The following GNG7 variants were observed in gnomAD, a reference collection of about 807,000 sequenced individuals.
The protein encoded by GNG7 is guanine nucleotide-binding protein G(I)/G(S)/G(O) subunit gamma-7.
GNG7 carries 1 observed loss-of-function variant against 4.0 expected under a neutral mutation model. The ratio of observed to expected loss-of-function variants is 0.25; its 90% CI spans 0.09 to 1.18. GNG7 has a LOEUF of 1.18. GNG7 is among the 50% of genes most tolerant of loss of function. The pLI is 0.50. For synonymous variants in GNG7, 34 were observed against 36.9 expected, an observed-to-expected ratio of 0.92 and a Z score of 0.29; for missense variants, 86 against 91.9, an observed-to-expected ratio of 0.94 and a Z score of 0.26.
intron 3 of GNG7, among the ~76,000 whole-genome samples, chr19:2,528,016 C>T (rs1201199443): frequency 6.6e-6 from 1 of 152,036 alleles, no homozygotes; most frequent in African/African-American, 2.4e-5. Context: ...GCCTGTAATC[C>T]CAGAACTTTG....
At chr19:2,566,416 C>T (rs1160770403) in intron 2 of GNG7, among the ~76,000 whole-genome samples, 1 of 152,114 alleles carries the variant, frequency 6.6e-6, no homozygotes, top group African/African-American at 2.4e-5. Context: ...TTCCGGTCTC[C>T]AGAGCGGAGA....
chr19:2,602,900 T>TCTTTCTTTCTTTC (rs778961079), intron 2 of GNG7, among the ~76,000 whole-genome samples: 1 of 44,816 alleles, frequency 2.2e-5, no homozygotes, highest in Non-Finnish European at 5.3e-5. Context: ...TTTCTCTTTT[T>TCTTTCTTTCTTTC]CTTTCTTTCT....
At position 2,588,812 on chromosome 19, in the gene GNG7, TG is replaced by T. The variant is rs552534618; in HGVS notation, c.-77-33625del. Among the ~76,000 whole-genome samples, 20 of 152,260 alleles carry T rather than the reference TG, an allele frequency of 1.3e-4. No individual in the cohort carries two copies. The South Asian group carries it at 4.1e-3, about 32-fold the overall frequency. ...CAGGTGGTCATCTTTCTGGGGAAACTGGCTTCTTTTCCTCCCCGACTCCCTT... is the reference window on the plus strand; with the variant it reads ...CAGGTGGTCATCTTTCTGGGGAAACTGCTTCTTTTCCTCCCCGACTCCCTT... On this transcript the variant is annotated intron_variant, in intron 2 of 4. Coordinates refer to ENST00000382159, the MANE Select transcript of GNG7 (RefSeq NM_052847.3).
At chr19:2,551,557 A>ATG (rs1979320065) in intron 3 of GNG7, among the ~76,000 whole-genome samples, 1 of 147,106 alleles carries the variant, frequency 6.8e-6, no homozygotes, top group African/African-American at 2.4e-5. Context: ...TTATTAATAT[A>ATG]TATTTATCTA....
In GNG7 at chr19:2,633,470, G is replaced by GGCGC. The variant is rs71337161; in HGVS notation, c.-78+12750_-78+12753dup. Among the ~76,000 whole-genome samples, 294 of 132,386 alleles carry GGCGC rather than the reference G, an allele frequency of 2.2e-3. 1 individual carries two copies. The highest frequency in any genetic ancestry group is 8.3e-3 in the African/African-American group (253 of 30,494). 86.9% of individuals were successfully genotyped at this position (132,386 alleles called of 152,430 possible). On this transcript the variant is annotated intron_variant, in intron 2 of 4. Coordinates refer to ENST00000382159, the MANE Select transcript of GNG7 (RefSeq NM_052847.3). This position sits in a 1 kb window ranked among gnomAD's most constrained non-coding sequence, Gnocchi z 5.9. ...CTGTTCAAGCGGTTGCTTAGCAACA[G>GGCGC]GCGCGCGCGCGCGCGCGCACACACA...
chr19:2,622,729 G>A (rs1320445108), intron 2 of GNG7, among the ~76,000 whole-genome samples: 3 of 146,764 alleles, frequency 2.0e-5, no homozygotes, highest in Non-Finnish European at 3.0e-5. Context: ...GCGGCAGAGA[G>A]GGAGGCTTCC....
intron 1 of GNG7, among the ~76,000 whole-genome samples, chr19:2,694,217 T>C (rs1913193124): frequency 6.6e-6 from 1 of 151,104 alleles, no homozygotes; most frequent in Non-Finnish European, 1.5e-5. Context: ...TTTGGGGAGA[T>C]TTTTTTGTTG....
intron 1 of GNG7, among the ~76,000 whole-genome samples, chr19:2,695,399 C>T (rs546199120): frequency 1.6e-4 from 25 of 152,264 alleles, no homozygotes; most frequent in Non-Finnish European, 3.7e-4. Flanking sequence ...CCCAGACTGC[C>T]ATCTCCACGG....
chr19:2,546,860 G>A lies in GNG7; in HGVS notation c.-38+8289C>T, dbSNP rs1024861950. On this transcript the variant is annotated intron_variant, in intron 3 of 4. Coordinates refer to ENST00000382159, the MANE Select transcript of GNG7 (RefSeq NM_052847.3). This position sits in a 1 kb window ranked among gnomAD's most constrained non-coding sequence, Gnocchi z 6.3. ...GTTTGCAAGCCCGGGAACCGGGGCC[G>A]GGCCAGGACACTGAACCCCGTGGCT... Among the ~76,000 whole-genome samples the A allele has an allele frequency of 1.3e-5, 2 of 152,186 alleles. No individual in the cohort carries two copies. Among genetic ancestry groups the A allele is most frequent in the African/African-American group, 2.4e-5 (1 of 41,450 alleles).
Position 2,626,344 on chromosome 19 carries a change from C to G in GNG7, c.-78+19880G>C, listed in dbSNP as rs1320815200. Among the ~76,000 whole-genome samples the G allele has an allele frequency of 6.6e-6, 1 of 152,192 alleles. No homozygotes were observed. The highest frequency in any genetic ancestry group is 1.5e-5 in the Non-Finnish European group (1 of 68,032). ...GAGGCTGGGGCATCTCTCACCCCCT[C>G]TGTGCCTCAGTTTCCTAATCTGTCA... On this transcript the variant is annotated intron_variant, in intron 2 of 4. Coordinates refer to ENST00000382159, the MANE Select transcript of GNG7 (RefSeq NM_052847.3). The surrounding 1 kb of genome is among the most constrained non-coding windows in gnomAD (Gnocchi z 5.0).
At chr19:2,697,674 GC>G (rs1300896393) in intron 1 of GNG7, among the ~76,000 whole-genome samples, 5 of 152,220 alleles carry the variant, frequency 3.3e-5, no homozygotes, top group African/African-American at 7.2e-5. Flanking sequence ...GGACACAGCG[GC>G]CGGGCGCGGT....
intron 1 of GNG7, among the ~76,000 whole-genome samples, chr19:2,660,610 C>A (rs540098515): frequency 1.3e-5 from 2 of 151,892 alleles, no homozygotes; most frequent in African/African-American, 2.4e-5. Context: ...ACCACCAACA[C>A]CCCACCACCA....
chr19:2,583,720 C>T (rs1321702399), intron 2 of GNG7, among the ~76,000 whole-genome samples: 1 of 152,066 alleles, frequency 6.6e-6, no homozygotes, highest in Non-Finnish European at 1.5e-5. Flanking sequence ...TCCCTTGAGC[C>T]CAAGAGTCCC....
chr19:2,666,727 T>A (rs1249731078), intron 1 of GNG7, among the ~76,000 whole-genome samples: 2 of 152,246 alleles, frequency 1.3e-5, no homozygotes, highest in Non-Finnish European at 2.9e-5. Context: ...TACACAGTTC[T>A]GCTGTTGTAT....
At chr19:2,515,647 C>T (rs754649533) in intron 4 of GNG7, among the ~76,000 whole-genome samples, 8 of 151,886 alleles carry the variant, frequency 5.3e-5, no homozygotes, top group African/African-American at 1.2e-4. Flanking sequence ...AGGCTGGTCT[C>T]GAACTCCTGA....
At chr19:2,543,775 C>T (rs1266378792) in intron 3 of GNG7, among the ~76,000 whole-genome samples, 3 of 152,198 alleles carry the variant, frequency 2.0e-5, no homozygotes, top group Non-Finnish European at 2.9e-5. Context: ...CCAGTCTGCT[C>T]ATCAAAGCAG....
intron 3 of GNG7, among the ~76,000 whole-genome samples, chr19:2,540,830 C>T (rs969248626): frequency 6.6e-6 from 1 of 152,204 alleles, no homozygotes; most frequent in African/African-American, 2.4e-5. Flanking sequence ...CACAGGAAGC[C>T]GTGACAGCGA....
At chr19:2,596,821 C>A (rs879444281) in intron 2 of GNG7, among the ~76,000 whole-genome samples, 1 of 152,160 alleles carries the variant, frequency 6.6e-6, no homozygotes, top group African/African-American at 2.4e-5. Context: ...CTCACTCCTG[C>A]AGTACGAGAC....
In GNG7 at chr19:2,557,111, G is replaced by A. The variant is rs1215721037; in HGVS notation, c.-77-1923C>T. ...TGCACACAGGAATACTCAGACACAC[G>A]CACACACGTACACACGTGTACTGCA... On this transcript the variant is annotated intron_variant, in intron 2 of 4. Coordinates refer to ENST00000382159, the MANE Select transcript of GNG7 (RefSeq NM_052847.3). This position sits in a 1 kb window ranked among gnomAD's most constrained non-coding sequence, Gnocchi z 5.1. Among the ~76,000 whole-genome samples the A allele has an allele frequency of 2.0e-5, 3 of 148,678 alleles. No homozygotes were observed. The highest frequency in any genetic ancestry group is 2.5e-5 in the African/African-American group (1 of 40,074).
Sources: gnomAD v4.1 joint callset for allele counts (sites outside exome capture counted in the v4.1 genomes callset) on GRCh38, gnomAD v4.1.1 for gene constraint, Gnocchi (gnomAD v3.1) non-coding constraint, MANE v1.5 for transcripts, NCBI Gene and HGNC (gene_info 2026-07-23, HGNC 2026-07-21) for gene names.